BCAS3: variants seen among roughly 807,000 people sequenced by gnomAD.
The protein encoded by BCAS3 is BCAS4/BCAS3 fusion.
In BCAS3, 53 loss-of-function variants were observed where a neutral mutation model predicts 116.1. The observed-to-expected ratio is 0.46, with a 90% CI of 0.37 to 0.57. BCAS3 has a LOEUF of 0.57. Among genes scored for constraint, BCAS3 ranks in the 20% least tolerant of loss-of-function variants. The probability of loss-of-function intolerance (pLI) is 0.00; values close to 1 mark genes in which losing one functional copy is unlikely to be tolerated. For synonymous variants in BCAS3, 391 were observed against 408.2 expected, an observed-to-expected ratio of 0.96 and a Z score of 0.51; for missense variants, 917 against 1,165.4, an observed-to-expected ratio of 0.79 and a Z score of 3.10.
intron 6 of BCAS3, among the ~76,000 whole-genome samples, chr17:60,796,975 G>A (rs1272301682): frequency 6.6e-6 from 1 of 152,146 alleles, no homozygotes; most frequent in Non-Finnish European, 1.5e-5. Flanking sequence ...GCGTGATCTC[G>A]GCTCACTGCA....
chr17:60,742,812 G>T (rs1400625937), intron 5 of BCAS3, among the ~76,000 whole-genome samples: 1 of 151,124 alleles, frequency 6.6e-6, no homozygotes, highest in Non-Finnish European at 1.5e-5. Context: ...TAGTACAATG[G>T]ATAAAATTGT....
intron 7 of BCAS3, among the ~76,000 whole-genome samples, chr17:60,866,791 A>G (rs925586410): frequency 1.3e-5 from 2 of 151,924 alleles, no homozygotes; most frequent in African/African-American, 4.8e-5. Context: ...TTCCTTCTTT[A>G]TTACTTTTTT....
chr17:61,142,794 G>A (rs1290275492), intron 22 of BCAS3, among the ~76,000 whole-genome samples: 3 of 151,952 alleles, frequency 2.0e-5, no homozygotes, highest in African/African-American at 7.3e-5. Context: ...ATGGTTGTTG[G>A]GGTTGTATGA....
intron 19 of BCAS3, among the ~76,000 whole-genome samples, chr17:61,049,237 G>A (rs1353323933): frequency 6.6e-6 from 1 of 151,872 alleles, no homozygotes; most frequent in Non-Finnish European, 1.5e-5. Context: ...GGAAGTCAAG[G>A]CTGCAGTGAA....
At chr17:61,320,170 G>A (rs1199402237) in intron 22 of BCAS3, among the ~76,000 whole-genome samples, 1 of 151,698 alleles carries the variant, frequency 6.6e-6, no homozygotes, top group Non-Finnish European at 1.5e-5. Flanking sequence ...GATTACAGGT[G>A]TGAGCCACGG....
intron 22 of BCAS3, among the ~76,000 whole-genome samples, chr17:61,291,804 G>T (rs2052435515): frequency 1.3e-5 from 2 of 152,196 alleles, no homozygotes; most frequent in Admixed American, 1.3e-4. Flanking sequence ...GATGGTGGTT[G>T]TGCGTGTGTC....
chr17:61,110,898 A>G (rs373969107), intron 22 of BCAS3, among the ~76,000 whole-genome samples: 69 of 151,950 alleles, frequency 4.5e-4, no homozygotes, highest in East Asian at 4.2e-3. Context: ...GGAGATCTGA[A>G]AACGGGCAGA....
At chr17:60,894,970 A>G (rs540033700) in intron 10 of BCAS3, among the ~76,000 whole-genome samples, 2 of 151,848 alleles carry the variant, frequency 1.3e-5, no homozygotes, top group Admixed American at 1.3e-4. Flanking sequence ...ATTTTCTAGC[A>G]TTTTCTTGAA....
chr17:61,081,438 T>C (rs1354717651), intron 21 of BCAS3, among the ~76,000 whole-genome samples: 1 of 152,200 alleles, frequency 6.6e-6, no homozygotes, highest in African/African-American at 2.4e-5. Context: ...TCGCAGACTT[T>C]CCCTTTGTTA....
At chr17:60,727,119 G>T in intron 5 of BCAS3, 6 of 450,934 alleles carry the variant, frequency 1.3e-5, no homozygotes, top group South Asian at 8.5e-5. Context: ...TTTTTCTATG[G>T]CTTCAACATT....
At chr17:60,766,201 G>A (rs1363767240) in intron 6 of BCAS3, among the ~76,000 whole-genome samples, 1 of 152,160 alleles carries the variant, frequency 6.6e-6, no homozygotes, top group Non-Finnish European at 1.5e-5. Context: ...GCTCATCAAA[G>A]TCATTCTCTG....
chr17:60,998,210 G>A (rs553580029), intron 15 of BCAS3, among the ~76,000 whole-genome samples: 43 of 152,278 alleles, frequency 2.8e-4, no homozygotes, highest in Middle Eastern at 3.4e-3. Flanking sequence ...GTATTCCGTC[G>A]TACATATGTA....
chr17:60,797,055 C>T (rs899513728), intron 6 of BCAS3, among the ~76,000 whole-genome samples: 1 of 150,924 alleles, frequency 6.6e-6, no homozygotes, highest in African/African-American at 2.4e-5. Context: ...CCACCATGCC[C>T]AGCTAATTCT....
At chr17:61,059,156 C>T (rs997237419) in intron 19 of BCAS3, among the ~76,000 whole-genome samples, 6 of 137,320 alleles carry the variant, frequency 4.4e-5, no homozygotes, top group Admixed American at 8.2e-5. Flanking sequence ...AATCTCGGCT[C>T]GCTGCAAGCT....
chr17:61,053,430 A>G (rs927576800), intron 19 of BCAS3, among the ~76,000 whole-genome samples: 1 of 152,130 alleles, frequency 6.6e-6, no homozygotes, highest in African/African-American at 2.4e-5. Context: ...TATCAACTCC[A>G]CTCCCTGCTG....
intron 22 of BCAS3, among the ~76,000 whole-genome samples, chr17:61,183,327 A>G (rs75316799): frequency 0.068 from 10,312 of 152,148 alleles, 475 homozygotes; most frequent in Non-Finnish European, 0.11. Context: ...GTTTTTAGAC[A>G]AACATGTTTT....
At chr17:60,988,338 C>CTTTTTTTTTTTTTTTTTTTTTTT (rs71148317) in intron 14 of BCAS3, among the ~76,000 whole-genome samples, 3 of 66,762 alleles carry the variant, frequency 4.5e-5, no homozygotes, top group Non-Finnish European at 5.7e-5. Flanking sequence ...TTTTCTTTTT[C>CTTTTTTTTTTTTTTTTTTTTTTT]TTTTTTTTTT....
chr17:61,200,604 C>T lies in BCAS3; in HGVS notation c.2425+116040C>T, dbSNP rs2080763483. ...TACTGAAGAGGCATTAGGACTAGAG[C>T]GTATTTCTTTTGATTATCAATGCGG... On this transcript the variant is annotated intron_variant, in intron 22 of 23. Coordinates refer to ENST00000407086, the MANE Select transcript of BCAS3 (RefSeq NM_017679.5). This position sits in a 1 kb window ranked among gnomAD's most constrained non-coding sequence, Gnocchi z 5.1. 6.6e-6 allele frequency among the ~76,000 whole-genome samples: 1 copy of T among 152,152 alleles called. No homozygotes were observed. The highest frequency in any genetic ancestry group is 2.4e-5 in the African/African-American group (1 of 41,432).
rs1422187285 is a variant in BCAS3, at chr17:60,725,700, A to T, written c.321+16375A>T. 2.0e-5 allele frequency among the ~76,000 whole-genome samples: 3 copies of T among 152,332 alleles called. No homozygotes were observed. The East Asian group carries it at 5.8e-4, about 29-fold the overall frequency. ...TATAATATACAGGACAGACTCCTCG[A>T]ACAAAGAATTGTTCAGTCCAAAACA... On this transcript the variant is annotated intron_variant, in intron 5 of 23. Coordinates refer to ENST00000407086, the MANE Select transcript of BCAS3 (RefSeq NM_017679.5).
Sources: gnomAD v4.1 joint callset for allele counts (sites outside exome capture counted in the v4.1 genomes callset) on GRCh38, gnomAD v4.1.1 for gene constraint, Gnocchi (gnomAD v3.1) non-coding constraint, MANE v1.5 for transcripts, NCBI Gene and HGNC (gene_info 2026-07-23, HGNC 2026-07-21) for gene names.